The following TRAPPC9 variants were observed in gnomAD, a reference collection of about 807,000 sequenced individuals.
TRAPPC9 encodes IKK2 binding protein.
In TRAPPC9, 83 loss-of-function variants were observed where a neutral mutation model predicts 124.0. The ratio of observed to expected loss-of-function variants is 0.67; its 90% CI spans 0.56 to 0.80. The LOEUF is 0.80. Ranked by LOEUF, TRAPPC9 falls within the 30% of genes least tolerant of loss-of-function variation. TRAPPC9 has a pLI of 0.00. For missense variants in TRAPPC9, 1,302 were observed against 1,508.3 expected (o/e 0.86, Z 2.27); for synonymous variants, 638 against 617.5 (o/e 1.03, Z -0.49).
chr8:140,003,274 A>C (rs1838523109), intron 18 of TRAPPC9, among the ~76,000 whole-genome samples: 1 of 152,138 alleles, frequency 6.6e-6, no homozygotes, highest in East Asian at 1.9e-4. Context: ...GTCATTCATC[A>C]CTAAGAAAGC....
chr8:140,093,876 T>C (rs1844742050), intron 17 of TRAPPC9, among the ~76,000 whole-genome samples: 5 of 152,126 alleles, frequency 3.3e-5, no homozygotes, highest in Admixed American at 3.3e-4. Context: ...CTTTCACCCT[T>C]AGTCATCCTC....
rs527987416 is a variant in TRAPPC9 at position 139,789,035 on chromosome 8, C to T, written c.3056-56833G>A. Among the ~76,000 whole-genome samples, 4 of 152,342 alleles carry T rather than the reference C, an allele frequency of 2.6e-5. No homozygotes were observed. In the South Asian group the frequency reaches 8.3e-4, roughly 32 times the overall value. On this transcript the variant is annotated intron_variant, in intron 21 of 22. Coordinates refer to ENST00000438773, the MANE Select transcript of TRAPPC9 (RefSeq NM_001160372.4). The stretch of plus-strand genomic sequence containing the variant: ...AACAAATTATGGGAGGCTAAGAACA[C>T]GGTACAGCTAAAATCAGCATGCACG...
chr8:140,090,194 C>T (rs1365777048), intron 17 of TRAPPC9, among the ~76,000 whole-genome samples: 1 of 152,198 alleles, frequency 6.6e-6, no homozygotes. Flanking sequence ...TGTAGGTTGA[C>T]CCGGTTTGAA....
chr8:139,850,105 C>G (rs1167266813), intron 21 of TRAPPC9, among the ~76,000 whole-genome samples: 1 of 152,166 alleles, frequency 6.6e-6, no homozygotes, highest in African/African-American at 2.4e-5. Flanking sequence ...CTCAGTGCTC[C>G]CCTGGGGACT....
chr8:140,397,981 G>A (rs567097982), intron 6 of TRAPPC9, among the ~76,000 whole-genome samples: 1 of 152,310 alleles, frequency 6.6e-6, no homozygotes, highest in South Asian at 2.1e-4. Context: ...CTGAATCATG[G>A]GGGTGGTTTC....
At chr8:140,270,762 C>T (rs1468176483) in intron 15 of TRAPPC9, among the ~76,000 whole-genome samples, 1 of 152,178 alleles carries the variant, frequency 6.6e-6, no homozygotes, top group Non-Finnish European at 1.5e-5. Context: ...AAGGGTGTGT[C>T]TATGGCAGAT....
intron 17 of TRAPPC9, among the ~76,000 whole-genome samples, chr8:140,177,452 A>G (rs2062095347): frequency 6.6e-6 from 1 of 152,146 alleles, no homozygotes; most frequent in South Asian, 2.1e-4. Flanking sequence ...TTGACTATTT[A>G]TGGATGGGTC....
intron 14 of TRAPPC9, among the ~76,000 whole-genome samples, chr8:140,281,637 A>T (rs1350536347): frequency 1.3e-5 from 2 of 152,078 alleles, no homozygotes; most frequent in East Asian, 3.8e-4. Flanking sequence ...TATTCCAGGG[A>T]TCCTGCTTTT....
chr8:139,923,203 C>T (rs916866875), intron 19 of TRAPPC9, among the ~76,000 whole-genome samples: 9 of 151,734 alleles, frequency 5.9e-5, no homozygotes, highest in Non-Finnish European at 1.2e-4. Flanking sequence ...ATCATCTCCC[C>T]GCTAAGTGGA....
chr8:140,410,582 G>A (rs1442929623), intron 5 of TRAPPC9, among the ~76,000 whole-genome samples: 2 of 152,106 alleles, frequency 1.3e-5, no homozygotes, highest in South Asian at 2.1e-4. Context: ...AGTGGCTCAC[G>A]CCTGTAATCC....
chr8:140,102,562 A>C (rs1482092192), intron 17 of TRAPPC9, among the ~76,000 whole-genome samples: 5 of 152,202 alleles, frequency 3.3e-5, no homozygotes, highest in Non-Finnish European at 7.3e-5. Context: ...GTTCTCTCCC[A>C]CACATAACTT....
At chr8:139,952,300 C>T (rs766939210) in intron 19 of TRAPPC9, among the ~76,000 whole-genome samples, 1 of 152,156 alleles carries the variant, frequency 6.6e-6, no homozygotes, top group African/African-American at 2.4e-5. Context: ...AAGAGGAAAT[C>T]ATTTTATTAT....
chr8:139,947,724 C>T (rs1197876195), intron 19 of TRAPPC9, among the ~76,000 whole-genome samples: 1 of 150,636 alleles, frequency 6.6e-6, no homozygotes, highest in South Asian at 2.1e-4. Flanking sequence ...AAAAATTAGC[C>T]GGTCATGGTG....
At chr8:140,064,536 G>C (rs1426932682) in intron 17 of TRAPPC9, among the ~76,000 whole-genome samples, 3 of 152,176 alleles carry the variant, frequency 2.0e-5, no homozygotes, top group Admixed American at 2.0e-4. Flanking sequence ...TTATACTTGT[G>C]AATTTCCCCT....
At chr8:139,982,412 A>G (rs888430336) in intron 19 of TRAPPC9, among the ~76,000 whole-genome samples, 4 of 152,280 alleles carry the variant, frequency 2.6e-5, no homozygotes, top group East Asian at 3.9e-4. Flanking sequence ...AAATGAGTGC[A>G]AAGCCCACTC....
chr8:140,325,463 G>A (rs1054180438), intron 9 of TRAPPC9, among the ~76,000 whole-genome samples: 2 of 152,180 alleles, frequency 1.3e-5, no homozygotes, highest in South Asian at 2.1e-4. Context: ...CAGATCCTAC[G>A]CTCATTAAGA....
chr8:139,894,454 C>A (rs1408074875), intron 20 of TRAPPC9, among the ~76,000 whole-genome samples: 1 of 152,054 alleles, frequency 6.6e-6, no homozygotes, highest in Non-Finnish European at 1.5e-5. Context: ...CTGGGCTCAG[C>A]CCCACTGCTG....
intron 17 of TRAPPC9, among the ~76,000 whole-genome samples, chr8:140,168,719 G>C (rs143886552): frequency 2.0e-4 from 31 of 152,338 alleles, no homozygotes; most frequent in African/African-American, 6.7e-4. Flanking sequence ...TGCTGCCTGA[G>C]TGACCAGTGT....
intron 20 of TRAPPC9, among the ~76,000 whole-genome samples, chr8:139,889,624 C>T (rs1199140770): frequency 6.6e-6 from 1 of 152,152 alleles, no homozygotes; most frequent in African/African-American, 2.4e-5. Context: ...GACACTGAAG[C>T]ACAGTTACGA....
Sources: gnomAD v4.1 joint callset for allele counts (sites outside exome capture counted in the v4.1 genomes callset) on GRCh38, gnomAD v4.1.1 for gene constraint, MANE v1.5 for transcripts, NCBI Gene and HGNC (gene_info 2026-07-23, HGNC 2026-07-21) for gene names.